Variants in GABRB3 observed in about 807,000 individuals in gnomAD.
GABRB3 encodes gamma-aminobutyric acid type A receptor subunit beta3, also known as gamma-aminobutyric acid receptor subunit beta-3.
Under a neutral mutation model 52.1 loss-of-function variants are expected in GABRB3, and 14 were observed. The observed-to-expected ratio is 0.27, with a 90% CI of 0.18 to 0.42. The LOEUF (loss-of-function observed/expected upper bound fraction) is 0.42, where lower values mean the gene tolerates loss of function less well. Ranked by LOEUF, GABRB3 falls within the 10% of genes least tolerant of loss-of-function variation. The pLI, the probability that GABRB3 is intolerant of heterozygous loss-of-function variation, is 1.00. For synonymous variants in GABRB3, 260 were observed against 232.3 expected (o/e 1.12, Z -1.08); for missense variants, 307 against 609.1 (o/e 0.50, Z 5.22).
intron 3 of GABRB3, among the ~76,000 whole-genome samples, chr15:26,702,140 T>G (rs1321143016): frequency 1.3e-5 from 2 of 152,142 alleles, no homozygotes; most frequent in Non-Finnish European, 2.9e-5. Context: ...TATAAACTTC[T>G]GGAAATAAAC....
At chr15:26,672,011 C>T (rs1367959) in intron 3 of GABRB3, among the ~76,000 whole-genome samples, 36,171 of 151,948 alleles carry the variant, frequency 0.24, 5,291 homozygotes, top group Admixed American at 0.33. Flanking sequence ...TGGGTCATAC[C>T]GAGAAAAATT....
At chr15:26,754,271 G>T (rs1055949877) in intron 3 of GABRB3, among the ~76,000 whole-genome samples, 1 of 152,152 alleles carries the variant, frequency 6.6e-6, no homozygotes, top group African/African-American at 2.4e-5. Flanking sequence ...AAGGGTTCTC[G>T]AAAGCAGAAG....
At chr15:26,558,583 G>C (rs1031757363) in intron 8 of GABRB3, among the ~76,000 whole-genome samples, 2 of 152,160 alleles carry the variant, frequency 1.3e-5, no homozygotes, top group Admixed American at 1.3e-4. Context: ...GGTGTATTAG[G>C]CCATTCTCTC....
At chr15:26,732,292 A>AGATGGATGGATG (rs5811444) in intron 3 of GABRB3, among the ~76,000 whole-genome samples, 26 of 146,810 alleles carry the variant, frequency 1.8e-4, no homozygotes, top group African/African-American at 2.8e-4. Context: ...ATGGATGGAT[A>AGATGGATGGATG]GATGGATGGA....
chr15:26,602,590 C>T (rs563192406), intron 4 of GABRB3, among the ~76,000 whole-genome samples: 8 of 151,938 alleles, frequency 5.3e-5, no homozygotes, highest in South Asian at 2.1e-4. Context: ...AATAAAACTA[C>T]GAATCAATAA....
At chr15:26,597,039 C>A (rs1302741169) in intron 4 of GABRB3, among the ~76,000 whole-genome samples, 1 of 152,090 alleles carries the variant, frequency 6.6e-6, no homozygotes, top group African/African-American at 2.4e-5. Context: ...ATAAAGCCAC[C>A]AGTTCCTCTC....
chr15:26,612,683 C>T (rs558778247), intron 4 of GABRB3: 7 of 152,248 alleles, frequency 4.6e-5, no homozygotes, highest in Non-Finnish European at 8.8e-5. Flanking sequence ...TTGCTCTTGC[C>T]AAAGTAGTGC....
chr15:26,588,725 A>T (rs1891085777), intron 4 of GABRB3, among the ~76,000 whole-genome samples: 1 of 152,230 alleles, frequency 6.6e-6, no homozygotes, highest in Non-Finnish European at 1.5e-5. Flanking sequence ...TATTCATAAC[A>T]TTCTCATTAG....
intron 3 of GABRB3, among the ~76,000 whole-genome samples, chr15:26,663,879 T>C (rs188982493): frequency 2.6e-5 from 4 of 152,334 alleles, no homozygotes; most frequent in Admixed American, 2.6e-4. Context: ...TTTTCCATTA[T>C]ATATTTTTGT....
chr15:26,710,481 C>T (rs555114667), intron 3 of GABRB3, among the ~76,000 whole-genome samples: 2 of 152,104 alleles, frequency 1.3e-5, no homozygotes, highest in African/African-American at 4.8e-5. Flanking sequence ...AGGCTGGTCT[C>T]GAACTCCTAA....
chr15:26,681,834 T>C (rs182740169), intron 3 of GABRB3, among the ~76,000 whole-genome samples: 127 of 152,138 alleles, frequency 8.3e-4, no homozygotes, highest in Middle Eastern at 6.8e-3. Context: ...TAGCCAGGCA[T>C]GGTGGCACGT....
intron 3 of GABRB3, among the ~76,000 whole-genome samples, chr15:26,751,113 T>C (rs191973929): frequency 6.6e-6 from 1 of 152,304 alleles, no homozygotes; most frequent in East Asian, 1.9e-4. Context: ...GCTGAAACTA[T>C]GTGATGCGTT....
chr15:26,714,371 GT>G (rs1477830977), intron 3 of GABRB3, among the ~76,000 whole-genome samples: 1 of 152,198 alleles, frequency 6.6e-6, no homozygotes, highest in Non-Finnish European at 1.5e-5. Flanking sequence ...CTGCAAGTCC[GT>G]GACACAGCCT....
At position 26,561,332 on chromosome 15, in the gene GABRB3, T is replaced by C. The variant is rs112202220; in HGVS notation, c.836-156A>G. On this transcript the variant is annotated intron_variant, in intron 7 of 8. Coordinates refer to ENST00000311550, the MANE Select transcript of GABRB3 (RefSeq NM_000814.6). ...GGAATGCAACAGAGCATACATCTTGTCATTTGCACCGCACGTCACCACTCA... is the reference window on the plus strand; with the variant it reads ...GGAATGCAACAGAGCATACATCTTGCCATTTGCACCGCACGTCACCACTCA... Among the ~76,000 whole-genome samples, 5 of 152,338 alleles carry C rather than the reference T, an allele frequency of 3.3e-5. 1 individual carries two copies. Among genetic ancestry groups the C allele is most frequent in the African/African-American group, 1.2e-4 (5 of 41,586 alleles).
intron 4 of GABRB3, among the ~76,000 whole-genome samples, chr15:26,597,745 A>G (rs2140772935): frequency 6.6e-6 from 1 of 152,360 alleles, no homozygotes; most frequent in South Asian, 2.1e-4. Context: ...AGCTCTGAGA[A>G]GAGTTAATTT....
At chr15:26,708,678 A>T (rs969887619) in intron 3 of GABRB3, among the ~76,000 whole-genome samples, 11 of 152,232 alleles carry the variant, frequency 7.2e-5, no homozygotes, top group African/African-American at 2.7e-4. Flanking sequence ...CATGTGCAAA[A>T]GACCTGAAGT....
intron 4 of GABRB3, among the ~76,000 whole-genome samples, chr15:26,599,714 A>G (rs995416546): frequency 6.6e-6 from 1 of 152,230 alleles, no homozygotes; most frequent in African/African-American, 2.4e-5. Flanking sequence ...GTGAAGGTCT[A>G]TCACTGCCAA....
At chr15:26,742,383 G>GA (rs11455423) in intron 3 of GABRB3, among the ~76,000 whole-genome samples, 99,730 of 144,528 alleles carry the variant, frequency 0.69, 36,247 homozygotes, top group South Asian at 0.83. Flanking sequence ...ATGATGTATT[G>GA]AAAAAAAAAA....
intron 3 of GABRB3, 132 bp downstream of exon 3, chr15:26,772,270 G>C: frequency 2.7e-6 from 2 of 742,128 alleles, no homozygotes; most frequent in South Asian, 1.9e-5. Context: ...GCGCCTGGGA[G>C]CGCGGCTCCC....
Sources: gnomAD v4.1 joint callset for allele counts (sites outside exome capture counted in the v4.1 genomes callset) on GRCh38, gnomAD v4.1.1 for gene constraint, MANE v1.5 for transcripts, NCBI Gene and HGNC (gene_info 2026-07-23, HGNC 2026-07-21) for gene names.